The following ZNF324B variants were observed in gnomAD, a reference collection of about 807,000 sequenced individuals.
ZNF324B encodes the protein zinc finger protein 324B.
In ZNF324B, 7 loss-of-function variants were observed where a neutral mutation model predicts 10.6. That is an observed-to-expected ratio of 0.66 (90% CI 0.38 to 1.24). ZNF324B has a LOEUF of 1.24. ZNF324B is among the 50% of genes most tolerant of loss of function. The pLI, the probability that ZNF324B is intolerant of heterozygous loss-of-function variation, is 0.02. For synonymous variants in ZNF324B, 316 were observed against 321.0 expected (o/e 0.98, Z 0.17); for missense variants, 640 against 764.7 (o/e 0.84, Z 1.92).
At chr19:58,433,321 A>AG in the ZNF324B span, 2 of 1,608,080 alleles carry the variant, frequency 1.2e-6, no homozygotes, top group South Asian at 2.2e-5. Context: ...ATAAGGCTCC[A>AG]CTCAGGTATG....
the ZNF324B span, chr19:58,445,279 C>T: frequency 7.5e-6 from 3 of 397,912 alleles, no homozygotes; most frequent in Admixed American, 3.8e-5. Context: ...AATTTTAATC[C>T]TATTTAGCAC....
the ZNF324B span, chr19:58,433,304 C>T: frequency 5.7e-6 from 9 of 1,588,672 alleles, no homozygotes; most frequent in Admixed American, 1.8e-5. Context: ...TCACAAAGAC[C>T]ACTTCCATAA....
chr19:58,452,032 C>T (rs9676490), intron 1 of ZNF324B: 8,025 of 209,512 alleles, frequency 0.038, 557 homozygotes, highest in African/African-American at 0.17. Context: ...GACTGCGCCC[C>T]CACGGAGTGA....
chr19:58,434,259 T>A, the ZNF324B span: 1 of 1,614,190 alleles, frequency 6.2e-7, no homozygotes, highest in Non-Finnish European at 8.5e-7. Context: ...GTGTGTGAAC[T>A]TTCTGATGCC....
At chr19:58,430,082 T>G in the ZNF324B span, 1 of 152,240 alleles carries the variant, frequency 6.6e-6, no homozygotes, top group Non-Finnish European at 1.5e-5. Context: ...CACTGCATGA[T>G]CAGCTTGCAA....
chr19:58,431,495 A>C, the ZNF324B span, among the ~76,000 whole-genome samples: 1 of 152,124 alleles, frequency 6.6e-6, no homozygotes, highest in African/African-American at 2.4e-5. Context: ...TCCTGGGCTC[A>C]AGAGATCCTC....
chr19:58,437,685 G>A, the ZNF324B span: 7 of 982,026 alleles, frequency 7.1e-6, no homozygotes, highest in African/African-American at 1.7e-5. Flanking sequence ...TGTTCACACT[G>A]TAGGCATTCT....
chr19:58,427,504 T>TTC, the ZNF324B span, among the ~76,000 whole-genome samples: 12 of 104,464 alleles, frequency 1.1e-4, no homozygotes, highest in African/African-American at 4.6e-4. Flanking sequence ...CTTTCTTTCT[T>TTC]TTTCTTTCTT....
chr19:58,455,230 C>G lies in ZNF324B; in HGVS notation c.286C>G (p.Arg96Gly). ...TAGAGATGTTTCTGGAGAATGGCCA[C>G]GAGCTTTCCCAGATACCCCACCTGG... ...EDRDVSGEWP[R>G]AFPDTPPGMT... Residue 96 changes from arginine to glycine, a missense_variant, in exon 4 of 4, where the codon CGA becomes GGA. Arg to Gly is a moderately radical substitution (Grantham distance 125, BLOSUM62 -2). Transcript: ENST00000336614. The surrounding 1 kb of genome is among the most constrained non-coding windows in gnomAD (Gnocchi z 7.0). The G allele has an allele frequency of 6.2e-7, 1 of 1,614,186 alleles. No individual in the cohort carries two copies. The highest frequency in any genetic ancestry group is 8.5e-7 in the Non-Finnish European group (1 of 1,180,042).
rs2052924280 is a variant in ZNF324B, at chr19:58,456,493, C to T, written c.1549C>T (p.Pro517Ser). 6.2e-7 allele frequency: 1 copy of T among 1,614,208 alleles called. No individual in the cohort carries two copies. The highest frequency in any genetic ancestry group is 8.5e-7 in the Non-Finnish European group (1 of 1,180,038). ...KTNAAAPDCT[P>S]GPGFLQGHHR... Reference sequence around the variant, plus strand: ...CAATGCCGCAGCACCAGACTGCACCCCGGGGCCAGGTTTCCTTCAGGGACA... The same window carrying T: ...CAATGCCGCAGCACCAGACTGCACCTCGGGGCCAGGTTTCCTTCAGGGACA... The change falls in exon 4 of 4, where the codon CCG becomes TCG. Residue 517 changes from proline to serine, a missense_variant. Pro to Ser is a moderately conservative substitution (Grantham distance 74). This residue lies in a region of ZNF324B where 238 missense variants were observed against 258.0 expected (regional missense o/e 0.92). Coordinates refer to ENST00000336614, the MANE Select transcript of ZNF324B (RefSeq NM_207395.3). The surrounding 1 kb of genome is among the most constrained non-coding windows in gnomAD (Gnocchi z 4.7).
At chr19:58,434,964 G>A in the ZNF324B span, 9 of 1,614,168 alleles carry the variant, frequency 5.6e-6, no homozygotes, top group Non-Finnish European at 7.6e-6. Context: ...GCTCCTTCTG[G>A]TGCTGGTGAA....
At chr19:58,454,153 C>G in intron 2 of ZNF324B, 75 bp from the exon 3 acceptor site, 1 of 961,166 alleles carries the variant, frequency 1.0e-6, no homozygotes, top group Non-Finnish European at 1.7e-6. Context: ...TTCCATGAAG[C>G]CCTGACTCCT....
upstream of ZNF324B, among the ~76,000 whole-genome samples, chr19:58,448,729 A>T (rs2052838233): frequency 6.6e-6 from 1 of 152,190 alleles, no homozygotes; most frequent in Admixed American, 6.5e-5. Context: ...TCCATCTCAA[A>T]AAAAATAAAA....
chr19:58,424,496 GTCAT>G, the ZNF324B span, among the ~76,000 whole-genome samples: 8 of 152,176 alleles, frequency 5.3e-5, no homozygotes, highest in Non-Finnish European at 1.2e-4. Flanking sequence ...AACGTCACTA[GTCAT>G]TCAGGAAATG....
chr19:58,441,336 G>T, the ZNF324B span: 1 of 152,406 alleles, frequency 6.6e-6, no homozygotes, highest in Non-Finnish European at 1.5e-5. Flanking sequence ...GGAGGTTATT[G>T]CAGTATTGTT....
the ZNF324B span, among the ~76,000 whole-genome samples, chr19:58,420,692 G>GAAA: frequency 6.6e-6 from 1 of 151,912 alleles, no homozygotes; most frequent in Admixed American, 6.6e-5. Context: ...CACTGTTCCT[G>GAAA]GCTTATACCC....
the ZNF324B span, among the ~76,000 whole-genome samples, chr19:58,427,358 CTT>C: frequency 0.036 from 1,948 of 53,824 alleles, 28 homozygotes; most frequent in Middle Eastern, 0.094. Context: ...TCCTTTCTTT[CTT>C]TCTTTCTTTC....
At chr19:58,440,202 G>T in the ZNF324B span, 6 of 292,064 alleles carry the variant, frequency 2.1e-5, no homozygotes, top group Non-Finnish European at 3.9e-5. Context: ...ACTTGCCACT[G>T]GTCCGAGCTT....
At position 58,453,101 on chromosome 19, in the gene ZNF324B, AT is replaced by A. The variant is rs1013361478; in HGVS notation, c.-6-594del. Reference sequence around the variant, plus strand: ...AAAATAAAAATAAATAAATAAATAAATAAATAAATAAATAAATAAATAAATA... The same window carrying A: ...AAAATAAAAATAAATAAATAAATAAAAAATAAATAAATAAATAAATAAATA... On this transcript the variant is annotated intron_variant, in intron 1 of 3. Transcript: ENST00000336614. 355 of 148,800 alleles carry A rather than the reference AT, an allele frequency of 2.4e-3. 1 individual carries two copies. Among genetic ancestry groups the A allele is most frequent in the African/African-American group, 8.3e-3 (322 of 38,564 alleles). The allele number at this position is 148,800 out of a possible 1,614,324, so 9.2% of individuals were successfully genotyped here. A position where few individuals can be genotyped will look rare whatever the true frequency, so the allele number is the denominator to read the frequency against.
Sources: allele counts gnomAD v4.1 joint callset (sites outside exome capture counted in the v4.1 genomes callset), GRCh38; gene constraint gnomAD v4.1.1; regional missense constraint gnomAD v4.1.1; non-coding constraint Gnocchi (gnomAD v3.1); transcripts MANE v1.5; gene names NCBI Gene and HGNC (gene_info 2026-07-23, HGNC 2026-07-21).